The following NCKAP5 variants were observed in gnomAD, a reference collection of about 807,000 sequenced individuals.
NCKAP5 encodes nck-associated protein 5.
In NCKAP5, 92 loss-of-function variants were observed where a neutral mutation model predicts 167.0. The observed-to-expected ratio is 0.55, with a 90% CI of 0.47 to 0.66. The LOEUF (loss-of-function observed/expected upper bound fraction) is 0.66. Ranked by LOEUF, NCKAP5 falls within the 30% of genes least tolerant of loss-of-function variation. The probability of loss-of-function intolerance (pLI) is 0.00; values close to 1 mark genes in which losing one functional copy is unlikely to be tolerated. For missense variants in NCKAP5, 2,378 were observed against 2,315.0 expected (o/e 1.03, Z -0.56); for synonymous variants, 891 against 877.4 (o/e 1.02, Z -0.27).
chr2:133,293,808 C>A (rs951156323), intron 4 of NCKAP5, among the ~76,000 whole-genome samples: 11 of 152,256 alleles, frequency 7.2e-5, no homozygotes, highest in Middle Eastern at 6.8e-3. Context: ...CTGGGACTGT[C>A]TGCATCTCTG....
At chr2:133,017,548 T>C (rs2149381013) in intron 6 of NCKAP5, among the ~76,000 whole-genome samples, 1 of 152,276 alleles carries the variant, frequency 6.6e-6, no homozygotes, top group Admixed American at 6.5e-5. Flanking sequence ...AATGGAAACA[T>C]GGCTGAAGGT....
chr2:132,794,730 G>C (rs919757024), intron 12 of NCKAP5, among the ~76,000 whole-genome samples: 25 of 151,032 alleles, frequency 1.7e-4, no homozygotes, highest in Non-Finnish European at 5.9e-5. Flanking sequence ...TTAGTTCATG[G>C]TCTCCCTACG....
the NCKAP5 span, among the ~76,000 whole-genome samples, chr2:133,616,446 G>A: frequency 1.0e-3 from 153 of 151,542 alleles, 1 homozygote; most frequent in African/African-American, 3.1e-3. Flanking sequence ...TCAAATAGAT[G>A]CAATAAAAAA....
intron 11 of NCKAP5, among the ~76,000 whole-genome samples, chr2:132,806,404 G>A (rs921840744): frequency 4.6e-5 from 7 of 151,886 alleles, no homozygotes; most frequent in Non-Finnish European, 8.8e-5. Flanking sequence ...GTGTAGAAGT[G>A]TTCCCTGTTC....
chr2:132,873,568 T>C (rs1370538380), intron 9 of NCKAP5, among the ~76,000 whole-genome samples: 1 of 152,220 alleles, frequency 6.6e-6, no homozygotes, highest in Non-Finnish European at 1.5e-5. Context: ...GAAACAATCC[T>C]GTAAGATAGA....
chr2:133,251,174 A>C (rs1321380009), intron 4 of NCKAP5, among the ~76,000 whole-genome samples: 2 of 152,198 alleles, frequency 1.3e-5, no homozygotes, highest in African/African-American at 4.8e-5. Flanking sequence ...TAGGTATTAT[A>C]AGTAATCCAG....
intron 5 of NCKAP5, among the ~76,000 whole-genome samples, chr2:133,189,121 G>GA (rs930076647): frequency 2.2e-4 from 34 of 152,016 alleles, no homozygotes; most frequent in African/African-American, 8.2e-4. Context: ...CGATCCCACA[G>GA]AAATACAAAC....
chr2:133,590,044 C>T, the NCKAP5 span, among the ~76,000 whole-genome samples: 4 of 152,116 alleles, frequency 2.6e-5, no homozygotes, highest in Non-Finnish European at 5.9e-5. Flanking sequence ...TCCTGCCTTC[C>T]TTTTTTGTTA....
intron 3 of NCKAP5, among the ~76,000 whole-genome samples, chr2:133,332,091 C>T (rs1031016547): frequency 6.6e-6 from 1 of 152,122 alleles, no homozygotes; most frequent in African/African-American, 2.4e-5. Flanking sequence ...AAAAGTGTGC[C>T]CTCAGGGAGA....
rs1054547638 is a variant in NCKAP5, at chr2:132,671,995, T to G, written c.*1294A>C. 1 of 152,638 alleles carries G rather than the reference T, an allele frequency of 6.6e-6. No homozygotes were observed. The highest frequency in any genetic ancestry group is 2.4e-5 in the African/African-American group (1 of 41,450). The allele number at this position is 152,638 out of a possible 1,614,324, so 9.5% of individuals were successfully genotyped here. A position where few individuals can be genotyped will look rare whatever the true frequency, so the allele number is the denominator to read the frequency against. ...AGTAGCCATATAGATCCTAAAAATA[T>G]TTCTATTGGGCCTAGTTTACAAGCT... is the stretch of plus-strand genomic sequence containing the variant. On this transcript the variant is annotated 3_prime_UTR_variant, in exon 20 of 20. Coordinates refer to ENST00000409261, the MANE Select transcript of NCKAP5 (RefSeq NM_207363.3).
intron 3 of NCKAP5, among the ~76,000 whole-genome samples, chr2:133,420,728 T>G (rs1406499831): frequency 6.6e-6 from 1 of 152,218 alleles, no homozygotes; most frequent in Non-Finnish European, 1.5e-5. Flanking sequence ...ATATATTTTA[T>G]TCAAGCCTCA....
At chr2:133,323,485 G>A (rs1682211493) in intron 3 of NCKAP5, among the ~76,000 whole-genome samples, 1 of 152,196 alleles carries the variant, frequency 6.6e-6, no homozygotes, top group South Asian at 2.1e-4. Context: ...CGGTAATACT[G>A]AGGGAGGGAT....
chr2:132,743,806 C>T (rs554953615), intron 16 of NCKAP5, among the ~76,000 whole-genome samples: 3 of 151,460 alleles, frequency 2.0e-5, no homozygotes, highest in Non-Finnish European at 4.4e-5. Flanking sequence ...ATAAAACATT[C>T]ATTTTAAATA....
At chr2:133,023,551 G>C (rs1349320841) in intron 6 of NCKAP5, among the ~76,000 whole-genome samples, 1 of 152,128 alleles carries the variant, frequency 6.6e-6, no homozygotes, top group African/African-American at 2.4e-5. Flanking sequence ...CATCACCCAG[G>C]TACTGAGCGT....
chr2:133,055,275 T>C (rs952260468), intron 6 of NCKAP5, among the ~76,000 whole-genome samples: 3 of 151,764 alleles, frequency 2.0e-5, no homozygotes, highest in Non-Finnish European at 2.9e-5. Context: ...AAAACAGGTA[T>C]CAAAAGTGAT....
At chr2:133,459,530 C>G (rs1205675216) in intron 3 of NCKAP5, among the ~76,000 whole-genome samples, 1 of 152,104 alleles carries the variant, frequency 6.6e-6, no homozygotes, top group Non-Finnish European at 1.5e-5. Flanking sequence ...TGAAATCATA[C>G]CTATGTATAA....
At chr2:132,984,012 C>T (rs149566943) in intron 7 of NCKAP5, among the ~76,000 whole-genome samples, 314 of 152,248 alleles carry the variant, frequency 2.1e-3, no homozygotes, top group Non-Finnish European at 2.3e-3. Context: ...ATCCCAGTGA[C>T]GTTGGAGGCT....
At chr2:133,274,135 C>T (rs2089633173) in intron 4 of NCKAP5, among the ~76,000 whole-genome samples, 1 of 151,820 alleles carries the variant, frequency 6.6e-6, no homozygotes, top group South Asian at 2.1e-4. Flanking sequence ...ATCAGCATCT[C>T]CACAGAAAAT....
At chr2:132,875,044 C>T (rs1032670284) in intron 9 of NCKAP5, among the ~76,000 whole-genome samples, 1 of 152,080 alleles carries the variant, frequency 6.6e-6, no homozygotes, top group African/African-American at 2.4e-5. Flanking sequence ...AGCTTTCATC[C>T]TTCTACTGAA....
Sources: allele counts gnomAD v4.1 joint callset (sites outside exome capture counted in the v4.1 genomes callset), GRCh38; gene constraint gnomAD v4.1.1; transcripts MANE v1.5; gene names NCBI Gene and HGNC (gene_info 2026-07-23, HGNC 2026-07-21).